Variants in GRXCR2 observed in about 807,000 individuals in gnomAD.
GRXCR2 encodes glutaredoxin domain-containing cysteine-rich protein 2.
GRXCR2 carries 23 observed loss-of-function variants against 24.8 expected under a neutral mutation model. That is an observed-to-expected ratio of 0.93 (90% confidence interval 0.67 to 1.32). The LOEUF is 1.32. Ranked by LOEUF, GRXCR2 falls within the 40% of genes most tolerant of loss-of-function variation. The pLI is 0.00. For missense variants in GRXCR2, 315 were observed against 303.4 expected (o/e 1.04, Z -0.28); for synonymous variants, 130 against 116.1 (o/e 1.12, Z -0.77).
chr5:145,904,385 C>T (rs1158268556), intron 2 of GRXCR2, among the ~76,000 whole-genome samples: 1 of 152,166 alleles, frequency 6.6e-6, no homozygotes, highest in African/African-American at 2.4e-5. Flanking sequence ...TTTCCCTAGG[C>T]CTTAATTTTA....
At chr5:145,908,485 CT>C (rs1241724921) in intron 2 of GRXCR2, among the ~76,000 whole-genome samples, 5 of 152,242 alleles carry the variant, frequency 3.3e-5, no homozygotes, top group Middle Eastern at 3.4e-3. Context: ...CTGAAAGGCT[CT>C]GACAATTTTA....
In GRXCR2 at chr5:145,903,666, T is replaced by C. The variant is rs536825994; in HGVS notation, c.-70+32035A>G. Among the ~76,000 whole-genome samples, 3 of 152,316 alleles carry C rather than the reference T, an allele frequency of 2.0e-5. No individual in the cohort carries two copies. In the South Asian group the frequency reaches 6.2e-4, roughly 32 times the overall value. ...GTTTGAGTAAATAAACTCTGAATTC[T>C]GTATCAGGATGAACATCCTACAACT... On this transcript the variant is annotated intron_variant, in intron 2 of 3. Transcript: ENST00000639411.
chr5:145,900,036 A>G (rs908139963), intron 2 of GRXCR2, among the ~76,000 whole-genome samples: 6 of 152,180 alleles, frequency 3.9e-5, no homozygotes, highest in Non-Finnish European at 5.9e-5. Context: ...ACCAGAATCT[A>G]TAAGAAACTT....
chr5:145,895,826 C>T (rs1278778197), intron 2 of GRXCR2, among the ~76,000 whole-genome samples: 1 of 152,180 alleles, frequency 6.6e-6, no homozygotes, highest in Non-Finnish European at 1.5e-5. Flanking sequence ...ATTGCCAAGT[C>T]AATCCTAAGC....
chr5:145,864,620 C>T (rs1375494540), intron 2 of GRXCR2, among the ~76,000 whole-genome samples: 5 of 151,532 alleles, frequency 3.3e-5, no homozygotes, highest in Admixed American at 2.6e-4. Flanking sequence ...CTTTCTCAAG[C>T]TCTCTCTCTC....
intron 2 of GRXCR2, among the ~76,000 whole-genome samples, chr5:145,899,707 A>T (rs753197826): frequency 6.6e-6 from 1 of 152,170 alleles, no homozygotes; most frequent in Non-Finnish European, 1.5e-5. Flanking sequence ...CTTGCTAGCC[A>T]TGTGCAGAAG....
intron 2 of GRXCR2, among the ~76,000 whole-genome samples, chr5:145,891,642 G>C (rs1252137088): frequency 6.6e-6 from 1 of 152,132 alleles, no homozygotes; most frequent in Non-Finnish European, 1.5e-5. Flanking sequence ...CAGGAAGCTC[G>C]AACTCGGTGG....
chr5:145,910,269 C>T (rs529391446), intron 2 of GRXCR2, among the ~76,000 whole-genome samples: 2 of 152,144 alleles, frequency 1.3e-5, no homozygotes, highest in Non-Finnish European at 2.9e-5. Flanking sequence ...CAGTCATAAA[C>T]GACAACCTCT....
intron 2 of GRXCR2, among the ~76,000 whole-genome samples, chr5:145,930,237 AC>A (rs1005929417): frequency 2.9e-4 from 44 of 152,208 alleles, no homozygotes; most frequent in Non-Finnish European, 3.5e-4. Context: ...GGCATGTGCC[AC>A]CACACCCAGC....
chr5:145,876,699 C>T (rs1756623759), upstream of GRXCR2, among the ~76,000 whole-genome samples: 1 of 152,078 alleles, frequency 6.6e-6, no homozygotes, highest in African/African-American at 2.4e-5. Flanking sequence ...ATGCCATTTC[C>T]CATGTTCACA....
intron 2 of GRXCR2, among the ~76,000 whole-genome samples, chr5:145,892,758 T>A (rs545576009): frequency 6.6e-5 from 10 of 152,206 alleles, no homozygotes; most frequent in African/African-American, 2.4e-4. Flanking sequence ...CAGGCCAACA[T>A]TCAAATTCAG....
chr5:145,866,183 T>C (rs1756428009), intron 2 of GRXCR2, among the ~76,000 whole-genome samples: 1 of 149,330 alleles, frequency 6.7e-6, no homozygotes, highest in South Asian at 2.1e-4. Context: ...ATAGGGCTGA[T>C]ATATTTTTCC....
At chr5:145,888,811 G>C (rs373252568) in intron 2 of GRXCR2, among the ~76,000 whole-genome samples, 17 of 152,178 alleles carry the variant, frequency 1.1e-4, no homozygotes, top group African/African-American at 3.9e-4. Flanking sequence ...TATACACTCT[G>C]TGTGTGTATA....
intron 2 of GRXCR2, among the ~76,000 whole-genome samples, chr5:145,915,078 A>C (rs1051710721): frequency 3.3e-5 from 5 of 152,162 alleles, no homozygotes; most frequent in African/African-American, 1.2e-4. Flanking sequence ...AAGTGATCTT[A>C]ACCTACCTGA....
At chr5:145,882,423 C>G (rs1347319237) in intron 2 of GRXCR2, among the ~76,000 whole-genome samples, 1 of 152,174 alleles carries the variant, frequency 6.6e-6, no homozygotes, top group Non-Finnish European at 1.5e-5. Flanking sequence ...TGAAAGAATG[C>G]TCATCATCAC....
chr5:145,916,612 A>G (rs1757244823), intron 2 of GRXCR2, among the ~76,000 whole-genome samples: 1 of 152,224 alleles, frequency 6.6e-6, no homozygotes, highest in Non-Finnish European at 1.5e-5. Flanking sequence ...CTTCAGAGAC[A>G]GATCTATATA....
chr5:145,921,886 T>A (rs1757326431), intron 2 of GRXCR2, among the ~76,000 whole-genome samples: 1 of 152,224 alleles, frequency 6.6e-6, no homozygotes, highest in Non-Finnish European at 1.5e-5. Context: ...TTTTTTTAAA[T>A]AAGTTGCTAT....
At chr5:145,894,845 T>C (rs1464202628) in intron 2 of GRXCR2, among the ~76,000 whole-genome samples, 5 of 152,010 alleles carry the variant, frequency 3.3e-5, no homozygotes, top group Non-Finnish European at 7.4e-5. Context: ...AAGAGAACTT[T>C]AGACCAATAT....
chr5:145,919,073 C>T (rs998390642), intron 2 of GRXCR2, among the ~76,000 whole-genome samples: 5 of 152,160 alleles, frequency 3.3e-5, no homozygotes, highest in African/African-American at 9.7e-5. Context: ...TCTGTTCTTG[C>T]GGTCAAGTCG....
Sources: gnomAD v4.1 joint callset for allele counts (sites outside exome capture counted in the v4.1 genomes callset) on GRCh38, gnomAD v4.1.1 for gene constraint, MANE v1.5 for transcripts, NCBI Gene and HGNC (gene_info 2026-07-23, HGNC 2026-07-21) for gene names.